The following LDLRAD4 variants were observed in gnomAD, a reference collection of about 807,000 sequenced individuals.
LDLRAD4 encodes low density lipoprotein receptor class A domain containing 4, also known as low-density lipoprotein receptor class A domain-containing protein 4.
A neutral mutation model predicts 17.0 loss-of-function variants in LDLRAD4; 5 were observed. That is an observed-to-expected ratio of 0.29 (90% confidence interval 0.15 to 0.62). LDLRAD4 has a LOEUF of 0.62. LDLRAD4 is among the 20% of genes least tolerant of loss of function. LDLRAD4 has a pLI of 0.84. For synonymous variants in LDLRAD4, 168 were observed against 171.8 expected, an observed-to-expected ratio of 0.98 and a Z score of 0.17; for missense variants, 340 against 424.7, an observed-to-expected ratio of 0.80 and a Z score of 1.75.
At chr18:13,578,825 G>GTTTTTTTTTTTTTTTTTTTTT (rs1286958694) in intron 3 of LDLRAD4, among the ~76,000 whole-genome samples, 5 of 49,872 alleles carry the variant, frequency 1.0e-4, no homozygotes, top group East Asian at 5.8e-4. Flanking sequence ...AGTTGTCCGG[G>GTTTTTTTTTTTTTTTTTTTTT]TCTTTTTTTT....
At chr18:13,435,381 G>C (rs1480652263) in intron 2 of LDLRAD4, among the ~76,000 whole-genome samples, 1 of 152,184 alleles carries the variant, frequency 6.6e-6, no homozygotes, top group Non-Finnish European at 1.5e-5. Flanking sequence ...GTGATGGAAA[G>C]ACCTTACTCT....
chr18:13,473,641 A>G (rs924182517), intron 3 of LDLRAD4, among the ~76,000 whole-genome samples: 1 of 41,360 alleles, frequency 2.4e-5, no homozygotes, highest in Admixed American at 2.5e-4. Context: ...CATCTCATAT[A>G]TATATATATA....
At chr18:13,469,690 A>G (rs2092716864) in intron 3 of LDLRAD4, among the ~76,000 whole-genome samples, 1 of 152,230 alleles carries the variant, frequency 6.6e-6, no homozygotes, top group East Asian at 1.9e-4. Flanking sequence ...GAGAGACAGG[A>G]AGTGGATTAG....
At chr18:13,538,476 C>T (rs2094229405) in intron 3 of LDLRAD4, among the ~76,000 whole-genome samples, 1 of 151,640 alleles carries the variant, frequency 6.6e-6, no homozygotes, top group Non-Finnish European at 1.5e-5. Flanking sequence ...TGCAGCTTTC[C>T]ATTCACATAT....
chr18:13,524,864 C>T (rs1026491086), intron 3 of LDLRAD4, among the ~76,000 whole-genome samples: 1 of 152,226 alleles, frequency 6.6e-6, no homozygotes, highest in African/African-American at 2.4e-5. Flanking sequence ...ACTTGATCTT[C>T]TTGATCTTAA....
rs573183383 is a variant in LDLRAD4, at chr18:13,377,029, G to T, written c.-382-10312G>T. Among the ~76,000 whole-genome samples the T allele has an allele frequency of 2.6e-5, 4 of 152,312 alleles. No individual in the cohort carries two copies. The East Asian group carries it at 7.7e-4, about 29-fold the overall frequency. Reference sequence around the variant, plus strand: ...GCACTTTCACATCCTGCCTCGCCTGGCCTTGCAGGAAGTCAGGAAGCTCTC... The same window carrying T: ...GCACTTTCACATCCTGCCTCGCCTGTCCTTGCAGGAAGTCAGGAAGCTCTC... On this transcript the variant is annotated intron_variant, in intron 1 of 5. Transcript: ENST00000359446.
chr18:13,295,448 G>T (rs1599195058), intron 1 of LDLRAD4, among the ~76,000 whole-genome samples: 1 of 152,190 alleles, frequency 6.6e-6, no homozygotes, highest in Non-Finnish European at 1.5e-5. Flanking sequence ...TGGGTGCAGG[G>T]CTTCTTCACC....
At chr18:13,451,472 C>T (rs1476250643) in intron 3 of LDLRAD4, among the ~76,000 whole-genome samples, 1 of 152,214 alleles carries the variant, frequency 6.6e-6, no homozygotes. Flanking sequence ...CTCCCTGAGG[C>T]TCCCTGGAAG....
intron 4 of LDLRAD4, among the ~76,000 whole-genome samples, chr18:13,624,010 G>T (rs1312561268): frequency 3.3e-5 from 5 of 152,180 alleles, no homozygotes; most frequent in Non-Finnish European, 7.4e-5. Flanking sequence ...GCATCATAAG[G>T]GGGAATCCTA....
rs752544519 is a variant in LDLRAD4, at chr18:13,440,985, C to T, written c.181+2601C>T. Among the ~76,000 whole-genome samples, 6 of 152,144 alleles carry T rather than the reference C, an allele frequency of 3.9e-5. No homozygotes were observed. The highest frequency in any genetic ancestry group is 5.9e-5 in the Non-Finnish European group (4 of 68,014). Reference sequence around the variant, plus strand: ...TCCCCTCAGGTTCTCTGCAGGAGCCCGAGGGAGCTGGGCGAGTGGTCATGG... The same window carrying T: ...TCCCCTCAGGTTCTCTGCAGGAGCCTGAGGGAGCTGGGCGAGTGGTCATGG... On this transcript the variant is annotated intron_variant, in intron 3 of 5. Transcript: ENST00000359446. The surrounding 1 kb of genome is among the most constrained non-coding windows in gnomAD (Gnocchi z 4.4).
chr18:13,652,218 C>T (rs912873893), exon 6 of LDLRAD4: 4 of 152,346 alleles, frequency 2.6e-5, no homozygotes, highest in African/African-American at 9.6e-5. Flanking sequence ...TGCTTCCTTT[C>T]TACAGGACGA....
chr18:13,492,629 C>T (rs1431675079), intron 3 of LDLRAD4, among the ~76,000 whole-genome samples: 1 of 152,220 alleles, frequency 6.6e-6, no homozygotes, highest in Non-Finnish European at 1.5e-5. Context: ...CTGACTGGGG[C>T]GGCCCTCCAG....
At chr18:13,261,537 G>A (rs1056065751) in intron 1 of LDLRAD4, among the ~76,000 whole-genome samples, 1 of 152,170 alleles carries the variant, frequency 6.6e-6, no homozygotes, top group Admixed American at 6.5e-5. Flanking sequence ...CCAGCCTCAG[G>A]CCTTCAGAAC....
chr18:13,546,610 A>G (rs2094368604), intron 3 of LDLRAD4, among the ~76,000 whole-genome samples: 1 of 151,968 alleles, frequency 6.6e-6, no homozygotes, highest in Non-Finnish European at 1.5e-5. Context: ...AATACCACAC[A>G]CTACTGCCAT....
chr18:13,378,801 A>T (rs77524132), intron 1 of LDLRAD4, among the ~76,000 whole-genome samples: 1,698 of 152,254 alleles, frequency 0.011, 35 homozygotes, highest in African/African-American at 0.038. Flanking sequence ...GCATGGAATG[A>T]TTTGAGCTTT....
At chr18:13,449,529 G>A (rs557272488) in intron 3 of LDLRAD4, among the ~76,000 whole-genome samples, 2 of 152,246 alleles carry the variant, frequency 1.3e-5, no homozygotes, top group Admixed American at 6.5e-5. Flanking sequence ...GTGTGCTTGG[G>A]AGAGGAGAAT....
At chr18:13,365,695 G>T (rs928335561) in intron 1 of LDLRAD4, among the ~76,000 whole-genome samples, 3 of 152,220 alleles carry the variant, frequency 2.0e-5, no homozygotes, top group Non-Finnish European at 4.4e-5. Flanking sequence ...TCAAGGCACT[G>T]CCTGTCTCAA....
At chr18:13,271,934 T>G (rs986462279) in intron 1 of LDLRAD4, among the ~76,000 whole-genome samples, 9 of 146,860 alleles carry the variant, frequency 6.1e-5, no homozygotes, top group Admixed American at 2.1e-4. Flanking sequence ...GAGTCTTGCT[T>G]TGCCAGGCTG....
chr18:13,349,433 C>G (rs1336240589), intron 1 of LDLRAD4, among the ~76,000 whole-genome samples: 4 of 152,072 alleles, frequency 2.6e-5, no homozygotes, highest in Non-Finnish European at 5.9e-5. Context: ...ATTACAATAA[C>G]CCTGGTTTTT....
Sources: allele counts gnomAD v4.1 joint callset (sites outside exome capture counted in the v4.1 genomes callset), GRCh38; gene constraint gnomAD v4.1.1; non-coding constraint Gnocchi (gnomAD v3.1); transcripts MANE v1.5; gene names NCBI Gene and HGNC (gene_info 2026-07-23, HGNC 2026-07-21).